The following DLGAP1 variants were observed in gnomAD, a reference collection of about 807,000 sequenced individuals.
DLGAP1 encodes the protein disks large-associated protein 1.
A neutral mutation model predicts 90.8 loss-of-function variants in DLGAP1; 11 were observed. The ratio of observed to expected loss-of-function variants is 0.12; its 90% CI spans 0.08 to 0.20. The LOEUF is 0.20. Among genes scored for constraint, DLGAP1 ranks in the 10% least tolerant of loss-of-function variants. DLGAP1 has a pLI of 1.00. For synonymous variants in DLGAP1, 558 were observed against 540.7 expected (o/e 1.03, Z -0.44); for missense variants, 1,050 against 1,333.8 (o/e 0.79, Z 3.31).
intron 2 of DLGAP1, among the ~76,000 whole-genome samples, chr18:4,053,243 G>T (rs866786229): frequency 6.6e-6 from 1 of 152,186 alleles, no homozygotes; most frequent in South Asian, 2.1e-4. Context: ...AGCATGGCTG[G>T]TGAGGCCTCA....
intron 1 of DLGAP1, among the ~76,000 whole-genome samples, chr18:4,391,956 G>T (rs1027511274): frequency 3.9e-5 from 6 of 152,180 alleles, no homozygotes; most frequent in Admixed American, 6.5e-5. Flanking sequence ...AGGCGATTGA[G>T]GTAGTTGGTT....
chr18:4,186,862 G>A lies in DLGAP1; in HGVS notation c.-266-35575C>T, dbSNP rs1211313971. Reference sequence around the variant, plus strand: ...TCTGTAAATTGCTTTGGTCAGTATGGCCATTTTAATGATATTGATTCTTCC... The same window carrying A: ...TCTGTAAATTGCTTTGGTCAGTATGACCATTTTAATGATATTGATTCTTCC... On this transcript the variant is annotated intron_variant, in intron 1 of 12. Coordinates refer to ENST00000315677, the MANE Select transcript of DLGAP1 (RefSeq NM_004746.4). 6.6e-5 allele frequency among the ~76,000 whole-genome samples: 10 copies of A among 152,230 alleles called. No homozygotes were observed. The South Asian group carries it at 2.1e-3, about 32-fold the overall frequency.
intron 1 of DLGAP1, among the ~76,000 whole-genome samples, chr18:4,209,111 G>T (rs2077786792): frequency 6.6e-6 from 1 of 152,148 alleles, no homozygotes; most frequent in Admixed American, 6.5e-5. Flanking sequence ...ATGGTGCTGA[G>T]GGTGAGGCTC....
At chr18:4,359,172 G>C (rs1168367880) in intron 1 of DLGAP1, among the ~76,000 whole-genome samples, 1 of 152,152 alleles carries the variant, frequency 6.6e-6, no homozygotes, top group Non-Finnish European at 1.5e-5. Flanking sequence ...GGAGTGATGG[G>C]GTTCAGGACA....
intron 2 of DLGAP1, among the ~76,000 whole-genome samples, chr18:4,095,602 A>C (rs566033139): frequency 1.2e-4 from 18 of 152,140 alleles, no homozygotes; most frequent in Non-Finnish European, 2.4e-4. Context: ...AGAACATAAG[A>C]AATTTCTTGT....
intron 2 of DLGAP1, among the ~76,000 whole-genome samples, chr18:4,130,475 G>A (rs1543228): frequency 0.34 from 51,608 of 152,056 alleles, 8,897 homozygotes; most frequent in African/African-American, 0.41. Context: ...TTCAACACTT[G>A]TAAGTTCAGG....
chr18:3,978,480 T>G (rs1156396221), intron 3 of DLGAP1: 1 of 261,838 alleles, frequency 3.8e-6, no homozygotes, highest in East Asian at 1.0e-4. Context: ...TACTGGGACA[T>G]GCAGACCATG....
intron 7 of DLGAP1, among the ~76,000 whole-genome samples, chr18:3,669,692 G>A (rs557923166): frequency 1.3e-5 from 2 of 152,268 alleles, no homozygotes; most frequent in South Asian, 4.1e-4. Context: ...TCTTCCTTCT[G>A]GCTTCCTCAA....
chr18:4,197,140 T>C (rs2077512837), intron 1 of DLGAP1, among the ~76,000 whole-genome samples: 1 of 131,910 alleles, frequency 7.6e-6, no homozygotes, highest in South Asian at 2.3e-4. Flanking sequence ...GCCATTGCAC[T>C]CCAGCCTGGG....
chr18:3,618,743 C>T (rs2057978749), intron 7 of DLGAP1, among the ~76,000 whole-genome samples: 1 of 150,076 alleles, frequency 6.7e-6, no homozygotes, highest in South Asian at 2.1e-4. Context: ...CCGAGACCAT[C>T]CTGGCTAACA....
intron 1 of DLGAP1, among the ~76,000 whole-genome samples, chr18:4,163,163 T>C (rs1352770468): frequency 1.3e-5 from 2 of 152,232 alleles, no homozygotes; most frequent in East Asian, 3.8e-4. Context: ...TCTTTGCTCA[T>C]AAGCTTGTCT....
At chr18:4,436,908 A>G (rs1042801724) in intron 1 of DLGAP1, among the ~76,000 whole-genome samples, 2 of 152,356 alleles carry the variant, frequency 1.3e-5, no homozygotes, top group South Asian at 4.1e-4. Context: ...ATTTATGCCA[A>G]TAAAGTATTT....
At chr18:4,314,855 A>AAT (rs1336732403) in intron 1 of DLGAP1, among the ~76,000 whole-genome samples, 4 of 152,194 alleles carry the variant, frequency 2.6e-5, no homozygotes, top group Non-Finnish European at 4.4e-5. Flanking sequence ...AGATAAGTGA[A>AAT]ATACCCAGAG....
chr18:4,141,920 G>C (rs2076501469), intron 2 of DLGAP1, among the ~76,000 whole-genome samples: 2 of 151,886 alleles, frequency 1.3e-5, no homozygotes, highest in Admixed American at 1.3e-4. Context: ...CAGCTATTTT[G>C]AATTCTCTGT....
At chr18:4,311,444 C>T (rs1056603662) in intron 1 of DLGAP1, among the ~76,000 whole-genome samples, 5 of 152,126 alleles carry the variant, frequency 3.3e-5, no homozygotes, top group African/African-American at 1.2e-4. Context: ...GCACTGAATA[C>T]AATATATGAG....
intron 1 of DLGAP1, among the ~76,000 whole-genome samples, chr18:4,224,454 C>T (rs971980599): frequency 2.6e-5 from 4 of 152,144 alleles, no homozygotes; most frequent in Non-Finnish European, 4.4e-5. Flanking sequence ...TGCCCTGGGC[C>T]ATATGGGAAC....
chr18:3,659,394 T>TACACACAC (rs71366699), intron 7 of DLGAP1, among the ~76,000 whole-genome samples: 3,196 of 102,060 alleles, frequency 0.031, 110 homozygotes, highest in Middle Eastern at 0.058. Context: ...CATACATTTA[T>TACACACAC]ACACACACAC....
chr18:3,554,163 T>C (rs2053625003), intron 9 of DLGAP1, among the ~76,000 whole-genome samples: 1 of 152,070 alleles, frequency 6.6e-6, no homozygotes, highest in South Asian at 2.1e-4. Flanking sequence ...AAGGACCTCA[T>C]ACAAATTCCT....
At chr18:3,993,395 TCC>T (rs1247770389) in intron 3 of DLGAP1, among the ~76,000 whole-genome samples, 4 of 152,144 alleles carry the variant, frequency 2.6e-5, no homozygotes, top group Non-Finnish European at 4.4e-5. Flanking sequence ...CAGAGTTTTG[TCC>T]ATATGTATGT....
Sources: allele counts gnomAD v4.1 joint callset (sites outside exome capture counted in the v4.1 genomes callset), GRCh38; gene constraint gnomAD v4.1.1; transcripts MANE v1.5; gene names NCBI Gene and HGNC (gene_info 2026-07-23, HGNC 2026-07-21).